The following XKR9 variants were observed in gnomAD, a reference collection of about 807,000 sequenced individuals.
XKR9 encodes the protein XK related 9, also known as XK-related protein 9.
A neutral mutation model predicts 32.0 loss-of-function variants in XKR9; 32 were observed. The observed-to-expected ratio is 1.00, with a 90% CI of 0.76 to 1.34. XKR9 has a LOEUF of 1.34. Ranked by LOEUF, XKR9 falls within the 40% of genes most tolerant of loss-of-function variation. The pLI, the probability that XKR9 is intolerant of heterozygous loss-of-function variation, is 0.00. For synonymous variants in XKR9, 168 were observed against 143.4 expected (o/e 1.17, Z -1.22); for missense variants, 546 against 429.7 (o/e 1.27, Z -2.39).
the XKR9 span, among the ~76,000 whole-genome samples, chr8:70,873,712 T>C: frequency 6.6e-6 from 1 of 152,236 alleles, no homozygotes; most frequent in Non-Finnish European, 1.5e-5. Flanking sequence ...GAAGATGCTG[T>C]AAACATCATT....
the XKR9 span, among the ~76,000 whole-genome samples, chr8:70,926,826 A>G: frequency 6.6e-6 from 1 of 152,138 alleles, no homozygotes; most frequent in Non-Finnish European, 1.5e-5. Context: ...ATAGACTAGG[A>G]GTCAGGCGAC....
chr8:70,687,375 C>A (rs1016951094), intron 3 of XKR9, among the ~76,000 whole-genome samples: 1 of 113,492 alleles, frequency 8.8e-6, no homozygotes. Flanking sequence ...TCCTTTCTTT[C>A]TCTTTCTTTC....
intron 2 of XKR9, among the ~76,000 whole-genome samples, chr8:70,786,493 C>A (rs978219763): frequency 3.3e-5 from 5 of 151,994 alleles, no homozygotes; most frequent in Non-Finnish European, 7.4e-5. Flanking sequence ...GTTATATTTT[C>A]TTGATAAATT....
chr8:71,041,844 T>G, the XKR9 span, among the ~76,000 whole-genome samples: 2 of 152,152 alleles, frequency 1.3e-5, no homozygotes, highest in African/African-American at 4.8e-5. Context: ...CCCTGAGGCC[T>G]CCCAGCCATG....
the XKR9 span, among the ~76,000 whole-genome samples, chr8:70,854,534 C>T: frequency 6.6e-6 from 1 of 152,096 alleles, no homozygotes; most frequent in African/African-American, 2.4e-5. Flanking sequence ...TAATTAGATC[C>T]CATTTGTCAA....
chr8:70,700,791 G>C (rs1805496857), intron 3 of XKR9, among the ~76,000 whole-genome samples: 1 of 152,206 alleles, frequency 6.6e-6, no homozygotes, highest in Non-Finnish European at 1.5e-5. Flanking sequence ...TCCAGAGGTG[G>C]AGCCTACAGA....
the XKR9 span, among the ~76,000 whole-genome samples, chr8:70,860,451 T>C: frequency 5.3e-5 from 8 of 152,236 alleles, no homozygotes; most frequent in African/African-American, 1.9e-4. Context: ...ATGAGAAATA[T>C]ATTCTTTTTG....
chr8:70,936,419 G>A, the XKR9 span, among the ~76,000 whole-genome samples: 1 of 152,110 alleles, frequency 6.6e-6, no homozygotes, highest in Admixed American at 6.6e-5. Context: ...TCTCTGTATC[G>A]TAATCATGTC....
intron 4 of XKR9, among the ~76,000 whole-genome samples, chr8:70,718,974 A>T (rs1422282981): frequency 6.6e-6 from 1 of 152,114 alleles, no homozygotes; most frequent in Admixed American, 6.5e-5. Flanking sequence ...ACTCTCCAGC[A>T]TCTGTTGTTT....
At chr8:70,780,375 A>G (rs1224880083) in intron 2 of XKR9, among the ~76,000 whole-genome samples, 1 of 151,906 alleles carries the variant, frequency 6.6e-6, no homozygotes. Flanking sequence ...AAAGCTATAA[A>G]TTTTCTTCAA....
At chr8:70,833,560 C>A in the XKR9 span, among the ~76,000 whole-genome samples, 1 of 152,098 alleles carries the variant, frequency 6.6e-6, no homozygotes, top group South Asian at 2.1e-4. Flanking sequence ...AGCTATACCT[C>A]CACTGCCCCC....
chr8:70,894,257 G>A, the XKR9 span, among the ~76,000 whole-genome samples: 1 of 151,812 alleles, frequency 6.6e-6, no homozygotes, highest in Non-Finnish European at 1.5e-5. Flanking sequence ...TGCAGCAACA[G>A]CAAGTACCCC....
chr8:70,831,495 T>C, the XKR9 span, among the ~76,000 whole-genome samples: 2 of 152,266 alleles, frequency 1.3e-5, no homozygotes, highest in African/African-American at 4.8e-5. Context: ...TTGCAGTAAC[T>C]GTATCATGTC....
the XKR9 span, among the ~76,000 whole-genome samples, chr8:70,955,598 G>A: frequency 3.3e-5 from 5 of 152,162 alleles, no homozygotes; most frequent in Non-Finnish European, 5.9e-5. Context: ...GATCCCTTAG[G>A]GTCTTGCTTT....
chr8:70,932,823 A>G, the XKR9 span, among the ~76,000 whole-genome samples: 1 of 152,036 alleles, frequency 6.6e-6, no homozygotes, highest in African/African-American at 2.4e-5. Flanking sequence ...AATTCCCTCC[A>G]TTAAGGCCCT....
the XKR9 span, among the ~76,000 whole-genome samples, chr8:70,898,243 G>A: frequency 1.3e-5 from 2 of 152,048 alleles, no homozygotes; most frequent in Non-Finnish European, 2.9e-5. Context: ...GTATGGATTT[G>A]TTTCTGGGTT....
intron 4 of XKR9, among the ~76,000 whole-genome samples, chr8:70,723,311 A>T (rs1179691565): frequency 7.9e-5 from 12 of 151,664 alleles, no homozygotes. Flanking sequence ...AATTCGTCAA[A>T]CTCATTCTCA....
chr8:71,062,030 G>T, the XKR9 span, among the ~76,000 whole-genome samples: 1 of 152,148 alleles, frequency 6.6e-6, no homozygotes, highest in African/African-American at 2.4e-5. Flanking sequence ...AATGTAGTTG[G>T]TTCAGGGATG....
chr8:71,064,395 TTG>T, the XKR9 span, among the ~76,000 whole-genome samples: 2 of 152,308 alleles, frequency 1.3e-5, no homozygotes, highest in Non-Finnish European at 2.9e-5. Context: ...ATTTTATATA[TTG>T]AGTTTTTATG....
Sources: allele counts gnomAD v4.1 joint callset (sites outside exome capture counted in the v4.1 genomes callset), GRCh38; gene constraint gnomAD v4.1.1; transcripts MANE v1.5; gene names NCBI Gene and HGNC (gene_info 2026-07-23, HGNC 2026-07-21).